SFT2D1: variants seen among roughly 807,000 people sequenced by gnomAD.
The protein encoded by SFT2D1 is vesicle transport protein SFT2A.
In SFT2D1, 24 loss-of-function variants were observed where a neutral mutation model predicts 28.1. The observed-to-expected ratio is 0.85, with a 90% confidence interval of 0.62 to 1.20. The LOEUF is 1.20. SFT2D1 is among the 50% of genes most tolerant of loss of function. The pLI is 0.00. For missense variants in SFT2D1, 181 were observed against 190.9 expected, an observed-to-expected ratio of 0.95 and a Z score of 0.31; for synonymous variants, 82 against 73.7, an observed-to-expected ratio of 1.11 and a Z score of -0.58.
chr6:166,338,920 T>C (rs1778717326), intron 1 of SFT2D1, among the ~76,000 whole-genome samples: 1 of 152,116 alleles, frequency 6.6e-6, no homozygotes, highest in Admixed American at 6.5e-5. Context: ...CATAGGAGGA[T>C]GATGCAGCCT....
chr6:166,328,822 T>C (rs889623890), intron 3 of SFT2D1, among the ~76,000 whole-genome samples: 1 of 152,270 alleles, frequency 6.6e-6, no homozygotes. Flanking sequence ...AGTATTCTGT[T>C]ACTGCAGCAT....
At chr6:166,322,925 A>C in intron 6 of SFT2D1, 39 bp from the exon 7 acceptor site, 1 of 1,577,208 alleles carries the variant, frequency 6.3e-7, no homozygotes, top group African/African-American at 1.3e-5. Flanking sequence ...CTTCATCTGA[A>C]TGATGGTTTT....
chr6:166,335,749 T>C (rs900724180), intron 1 of SFT2D1, among the ~76,000 whole-genome samples: 1 of 152,150 alleles, frequency 6.6e-6, no homozygotes, highest in African/African-American at 2.4e-5. Flanking sequence ...GGCAGAAGAT[T>C]TTAATCACTG....
At chr6:166,332,858 T>C (rs1036962858) in intron 1 of SFT2D1, among the ~76,000 whole-genome samples, 3 of 152,072 alleles carry the variant, frequency 2.0e-5, no homozygotes, top group Non-Finnish European at 2.9e-5. Context: ...AGAAACATAA[T>C]AGAGGAAAAT....
intron 1 of SFT2D1, chr6:166,334,932 A>G: frequency 2.3e-6 from 1 of 438,516 alleles, no homozygotes; most frequent in South Asian, 1.9e-5. Flanking sequence ...ATTGAAGAAC[A>G]TCGCCTAAGA....
intron 5 of SFT2D1, among the ~76,000 whole-genome samples, chr6:166,325,594 G>C (rs755369655): frequency 6.6e-6 from 1 of 152,216 alleles, no homozygotes. Context: ...CTACTCGGCA[G>C]CACACTTGCC....
chr6:166,327,768 G>A (rs1400570445), intron 4 of SFT2D1, among the ~76,000 whole-genome samples: 1 of 152,066 alleles, frequency 6.6e-6, no homozygotes, highest in African/African-American at 2.4e-5. Flanking sequence ...AGACAATACT[G>A]TACCATCTGA....
chr6:166,320,543 T>C lies in SFT2D1; in HGVS notation c.441-287A>G, dbSNP rs184301973. On this transcript the variant is annotated intron_variant, in intron 7 of 7. Transcript: ENST00000361731. ...ATACCAAAAATAACCTAACAAAAGA[T>C]CTAACTTTTTTCTTTTTTTTTCCTT... is the stretch of plus-strand genomic sequence containing the variant. 2.7e-5 allele frequency among the ~76,000 whole-genome samples: 4 copies of C among 149,016 alleles called. No individual in the cohort carries two copies. In the East Asian group the frequency reaches 8.1e-4, roughly 30 times the overall value.
chr6:166,324,527 A>C lies in SFT2D1; in HGVS notation c.410+10T>G. The C allele has an allele frequency of 6.2e-7, 1 of 1,609,394 alleles. No homozygotes were observed. The highest frequency in any genetic ancestry group is 1.1e-5 in the South Asian group (1 of 90,048). Reference sequence around the variant, plus strand: ...ATTTTAACACTTCACTAGGGTAAGGAAAGACTTACCAGGTCATTGACAAGA... The same window carrying C: ...ATTTTAACACTTCACTAGGGTAAGGCAAGACTTACCAGGTCATTGACAAGA... On this transcript the variant is annotated intron_variant, in intron 6 of 7. Coordinates refer to ENST00000361731, the MANE Select transcript of SFT2D1 (RefSeq NM_145169.3).
chr6:166,333,603 C>T (rs1189155415), intron 1 of SFT2D1, among the ~76,000 whole-genome samples: 1 of 152,128 alleles, frequency 6.6e-6, no homozygotes, highest in Non-Finnish European at 1.5e-5. Flanking sequence ...CTGGTAAAAT[C>T]CCACCGGAGT....
At chr6:166,331,889 C>T (rs1014198761) in intron 1 of SFT2D1, among the ~76,000 whole-genome samples, 1 of 152,192 alleles carries the variant, frequency 6.6e-6, no homozygotes, top group Non-Finnish European at 1.5e-5. Flanking sequence ...GAAAAAGCAT[C>T]CATTTTTCCT....
intron 4 of SFT2D1, among the ~76,000 whole-genome samples, chr6:166,326,722 C>T (rs541066644): frequency 1.7e-4 from 26 of 152,318 alleles, no homozygotes; most frequent in African/African-American, 6.0e-4. Flanking sequence ...CGTGATCTTA[C>T]GTGGGCAGCA....
chr6:166,324,695 C>A, intron 5 of SFT2D1, 100 bp from the exon 6 acceptor site: 2 of 1,028,338 alleles, frequency 1.9e-6, no homozygotes, highest in South Asian at 1.7e-5. Flanking sequence ...TAGATGATGG[C>A]TTCATTTATC....
At chr6:166,334,052 C>G (rs1436937149) in intron 1 of SFT2D1, among the ~76,000 whole-genome samples, 1 of 152,218 alleles carries the variant, frequency 6.6e-6, no homozygotes, top group Non-Finnish European at 1.5e-5. Flanking sequence ...GCTTTTTCCT[C>G]TAGTGAACAT....
chr6:166,324,431 GGC>G, intron 6 of SFT2D1, 104 bp downstream of exon 6: 1 of 1,073,054 alleles, frequency 9.3e-7, no homozygotes. Flanking sequence ...GGGCCTGTCT[GGC>G]TCCAAAACAC....
intron 6 of SFT2D1, 47 bp downstream of exon 6, chr6:166,324,490 A>C (rs761883311): frequency 1.3e-6 from 2 of 1,570,720 alleles, no homozygotes; most frequent in Non-Finnish European, 1.7e-6. Context: ...AATGCTCGTC[A>C]CGTCTCAGGC....
intron 1 of SFT2D1, among the ~76,000 whole-genome samples, chr6:166,330,580 CAG>C (rs1056615643): frequency 1.3e-5 from 2 of 152,162 alleles, no homozygotes; most frequent in Admixed American, 6.5e-5. Flanking sequence ...TAAAAAAACA[CAG>C]GGGGCAGATG....
chr6:166,339,101 G>T (rs765946545), intron 1 of SFT2D1, among the ~76,000 whole-genome samples: 1 of 152,048 alleles, frequency 6.6e-6, no homozygotes, highest in Non-Finnish European at 1.5e-5. Context: ...AGGTCTGTGC[G>T]CCTTTAATCC....
intron 7 of SFT2D1, among the ~76,000 whole-genome samples, chr6:166,322,519 G>A (rs1350383142): frequency 2.0e-5 from 3 of 151,470 alleles, no homozygotes; most frequent in Non-Finnish European, 4.4e-5. Flanking sequence ...GTGAAATCCC[G>A]TCTCTACTAA....
Sources: gnomAD v4.1 joint callset for allele counts (sites outside exome capture counted in the v4.1 genomes callset) on GRCh38, gnomAD v4.1.1 for gene constraint, MANE v1.5 for transcripts, NCBI Gene and HGNC (gene_info 2026-07-23, HGNC 2026-07-21) for gene names.